The following IDUA variants were observed in gnomAD, a reference collection of about 807,000 sequenced individuals.
IDUA encodes alpha-L-iduronidase.
In IDUA, 65 loss-of-function variants were observed where a neutral mutation model predicts 68.9. That is an observed-to-expected ratio of 0.94 (90% CI 0.77 to 1.16). The LOEUF is 1.16. Among genes scored for constraint, IDUA ranks in the 50% most tolerant of loss-of-function variants. The pLI, the probability that IDUA is intolerant of heterozygous loss-of-function variation, is 0.00. For synonymous variants in IDUA, 529 were observed against 433.6 expected (o/e 1.22, Z -2.73); for missense variants, 1,046 against 938.0 (o/e 1.12, Z -1.50).
At chr4:989,022 G>A in intron 2 of IDUA, 1 of 1,586,294 alleles carries the variant, frequency 6.3e-7, no homozygotes, top group East Asian at 2.3e-5. Flanking sequence ...TGATGCCCAG[G>A]GCCCCGTAGT....
At position 1,004,475 on chromosome 4, in the gene IDUA, T is replaced by A; in HGVS notation, c.*82T>A. On this transcript the variant is annotated 3_prime_UTR_variant, in exon 14 of 14. Transcript: ENST00000514224. The surrounding 1 kb of genome is among the most constrained non-coding windows in gnomAD (Gnocchi z 5.0). ...GCACTGTGCCCATGCTGCCCTCCCA[T>A]CACCCCCTTTGCAATATATTTTTAT... 3 of 1,337,728 alleles carry A rather than the reference T, an allele frequency of 2.2e-6. No homozygotes were observed. In the South Asian group the frequency reaches 3.7e-5, roughly 16 times the overall value. The allele number at this position is 1,337,728 out of a possible 1,614,324, so 82.9% of individuals were successfully genotyped here. A position where few individuals can be genotyped will look rare whatever the true frequency, so the allele number is the denominator to read the frequency against.
rs766030255 is a variant in IDUA, at chr4:1,001,509, A to T, written c.535A>T (p.Thr179Ser). The change falls in exon 5 of 14, where the codon ACG (threonine) becomes TCG (serine). Residue 179 changes from threonine (T) to serine (S), a missense_variant. By Grantham distance (58) the Thr-to-Ser change is moderately conservative. Transcript: ENST00000514224. ...GCATGTTTCCAAGTGGAACTTCGAG[A>T]CGTGGAATGAGCCAGACCACCACGA... Reference protein sequence around the residue: ...LAHVSKWNFETWNEPDHHDFD... With the variant: ...LAHVSKWNFESWNEPDHHDFD... 1 of 1,613,164 alleles carries T rather than the reference A, an allele frequency of 6.2e-7. No individual in the cohort carries two copies. The highest frequency in any genetic ancestry group is 2.2e-5 in the East Asian group (1 of 44,874).
Position 1,001,537 on chromosome 4 carries a change from TTGACAACGTCTCCA to T in IDUA, c.568_581del (p.Asn190HisfsTer204), listed in dbSNP as rs759639526. On this transcript the variant is annotated frameshift_variant, in exon 5 of 14. Coordinates refer to ENST00000514224, the MANE Select transcript of IDUA (RefSeq NM_000203.5). LOFTEE classifies it high-confidence loss of function. The stretch of plus-strand genomic sequence containing the variant: ...TGGAATGAGCCAGACCACCACGACT[TTGACAACGTCTCCA>T]TGACCATGCAAGGTGTGCACCGCTT... 5 of 1,613,308 alleles carry T rather than the reference TTGACAACGTCTCCA, an allele frequency of 3.1e-6. No individual in the cohort carries two copies. The South Asian group carries it at 5.5e-5, about 18-fold the overall frequency.
chr4:1,001,523 A>G lies in IDUA; in HGVS notation c.549A>G (p.Pro183=). The change falls in exon 5 of 14, where the codon CCA becomes CCG. Residue 183 remains proline (P), a synonymous_variant. Transcript: ENST00000514224. ...SKWNFETWNE[P]DHHDFDNVSM... ...GGAACTTCGAGACGTGGAATGAGCC[A>G]GACCACCACGACTTTGACAACGTCT... 1 of 1,613,290 alleles carries G rather than the reference A, an allele frequency of 6.2e-7. No individual in the cohort carries two copies. Among genetic ancestry groups the G allele is most frequent in the Non-Finnish European group, 8.5e-7 (1 of 1,179,964 alleles).
Position 1,001,897 on chromosome 4 carries a change from C to T in IDUA, c.792+16C>T. The T allele has an allele frequency of 6.4e-7, 1 of 1,571,056 alleles. No homozygotes were observed. The highest frequency in any genetic ancestry group is 8.6e-7 in the Non-Finnish European group (1 of 1,159,902). On this transcript the variant is annotated intron_variant, in intron 6 of 13. Coordinates refer to ENST00000514224, the MANE Select transcript of IDUA (RefSeq NM_000203.5). ...CCACAGGAAGGTGCGCCCTGCCCCT[C>T]CGTCCGCCCCGGTGTTCTGCGCCCT...
intron 2 of IDUA, chr4:988,627 T>G (rs1577510697): frequency 1.5e-6 from 2 of 1,370,942 alleles, no homozygotes; most frequent in Admixed American, 3.5e-5. Context: ...GAGGCAGAGG[T>G]TCTTGATTTC....
At chr4:996,930 G>C (rs916058036) in intron 2 of IDUA, among the ~76,000 whole-genome samples, 1 of 152,138 alleles carries the variant, frequency 6.6e-6, no homozygotes, top group Admixed American at 6.5e-5. Flanking sequence ...GGGCGTGGGG[G>C]CCCCAGCAAC....
rs773238336 is a variant in IDUA at position 987,829 on chromosome 4, A to G, written c.179A>G (p.Gln60Arg). 2.5e-5 allele frequency: 41 copies of G among 1,612,356 alleles called. No homozygotes were observed. The South Asian group carries it at 3.6e-4, about 14-fold the overall frequency. ...TGFCPPLPHS[Q>R]ADQYVLSWDQ... is the part of the protein sequence containing the mutation. ...CCCAGCCCCCCGCTGCCACACAGCCAGGCTGACCAGTACGTCCTCAGCTGG... is the reference window on the plus strand; with the variant it reads ...CCCAGCCCCCCGCTGCCACACAGCCGGGCTGACCAGTACGTCCTCAGCTGG... Residue 60 changes from glutamine (Q) to arginine (R), a missense_variant, in exon 2 of 14, where the codon CAG becomes CGG. Gln to Arg is a conservative substitution (Grantham distance 43). Transcript: ENST00000514224.
At chr4:998,403 A>G (rs1034543989) in intron 2 of IDUA, among the ~76,000 whole-genome samples, 1 of 152,096 alleles carries the variant, frequency 6.6e-6, no homozygotes, top group African/African-American at 2.4e-5. Context: ...ATAGGGCCAG[A>G]TTCCGGTCCA....
At chr4:992,098 T>A (rs1161097043) in intron 2 of IDUA, 4 of 507,612 alleles carry the variant, frequency 7.9e-6, no homozygotes, top group African/African-American at 1.9e-5. Flanking sequence ...GAAGCTCACC[T>A]CCCCAACGGG....
At chr4:991,007 G>T in intron 2 of IDUA, 1 of 1,052,314 alleles carries the variant, frequency 9.5e-7, no homozygotes, top group Non-Finnish European at 1.3e-6. Flanking sequence ...AAGCCTTGCT[G>T]TCTTGGGCCA....
intron 4 of IDUA, 183 bp downstream of exon 4, chr4:1,001,172 C>T (rs1425420970): frequency 6.4e-6 from 4 of 623,414 alleles, no homozygotes; most frequent in East Asian, 2.7e-5. Context: ...GGGCCCCAGG[C>T]TGGGGGGTAC....
intron 2 of IDUA, 23 bp downstream of exon 2, chr4:987,972 GC>G (rs1560532911): frequency 6.4e-7 from 1 of 1,550,726 alleles, no homozygotes; most frequent in African/African-American, 1.4e-5. Context: ...CAGGGTCTGG[GC>G]GTCCCAGAGC....
chr4:990,314 G>T (rs1172659493), intron 2 of IDUA: 2 of 1,605,020 alleles, frequency 1.2e-6, no homozygotes, highest in Admixed American at 1.7e-5. Flanking sequence ...AGCAGTGGCT[G>T]TGAGAGGTAG....
intron 2 of IDUA, chr4:990,411 T>G (rs1269592915): frequency 2.0e-6 from 3 of 1,508,572 alleles, no homozygotes; most frequent in Non-Finnish European, 2.7e-6. Context: ...GGGAGCCACC[T>G]GCCCCTCACC....
In IDUA at chr4:1,001,499, G is replaced by A. The variant is rs776305028; in HGVS notation, c.525G>A (p.Trp175Ter). ...GRYGLAHVSK[W>*]NFETWNEPDH... Reference sequence around the variant, plus strand: ...ACGGACTGGCGCATGTTTCCAAGTGGAACTTCGAGACGTGGAATGAGCCAG... The same window carrying A: ...ACGGACTGGCGCATGTTTCCAAGTGAAACTTCGAGACGTGGAATGAGCCAG... The change falls in exon 5 of 14, where the codon TGG becomes TGA. Residue 175 changes from tryptophan (W) to a stop codon, truncating the protein, a stop_gained. Transcript: ENST00000514224. LOFTEE classifies it high-confidence loss of function. 6.2e-7 allele frequency: 1 copy of A among 1,613,210 alleles called. No individual in the cohort carries two copies. The highest frequency in any genetic ancestry group is 1.7e-5 in the Admixed American group (1 of 60,026).
At chr4:1,002,664 C>A (rs1400661950) in intron 8 of IDUA, 68 bp from the exon 9 acceptor site, 3 of 1,255,952 alleles carry the variant, frequency 2.4e-6, no homozygotes, top group Non-Finnish European at 3.3e-6. Context: ...TGGTGGGAGG[C>A]CCGGCCCTGG....
At chr4:989,634 G>A (rs142212318) in intron 2 of IDUA, 24 of 1,597,358 alleles carry the variant, frequency 1.5e-5, no homozygotes, top group African/African-American at 1.1e-4. Flanking sequence ...GCTGTAGGTC[G>A]TGGAACAGCG....
intron 2 of IDUA, chr4:992,116 C>T (rs753875725): frequency 8.7e-5 from 43 of 495,018 alleles, no homozygotes; most frequent in South Asian, 6.3e-4. Flanking sequence ...GGGGCAGGAA[C>T]AGGCTGGGCT....
Sources: allele counts gnomAD v4.1 joint callset (sites outside exome capture counted in the v4.1 genomes callset), GRCh38; gene constraint gnomAD v4.1.1; non-coding constraint Gnocchi (gnomAD v3.1); transcripts MANE v1.5; gene names NCBI Gene and HGNC (gene_info 2026-07-23, HGNC 2026-07-21).